The following CCDC63 variants were observed in gnomAD, a reference collection of about 807,000 sequenced individuals.
CCDC63 encodes the protein coiled-coil domain containing 63.
CCDC63 carries 54 observed loss-of-function variants against 63.6 expected under a neutral mutation model. That is an observed-to-expected ratio of 0.85 (90% CI 0.68 to 1.07). The LOEUF (loss-of-function observed/expected upper bound fraction) is 1.07. CCDC63 is among the 50% of genes least tolerant of loss of function. CCDC63 has a pLI of 0.00. For synonymous variants in CCDC63, 253 were observed against 266.1 expected, an observed-to-expected ratio of 0.95 and a Z score of 0.48; for missense variants, 637 against 689.6, an observed-to-expected ratio of 0.92 and a Z score of 0.86.
chr12:110,878,607 G>A (rs1254432512), intron 5 of CCDC63, among the ~76,000 whole-genome samples: 1 of 152,200 alleles, frequency 6.6e-6, no homozygotes, highest in Non-Finnish European at 1.5e-5. Context: ...GAGCCACTGT[G>A]CCCAGCCCCC....
intron 5 of CCDC63, among the ~76,000 whole-genome samples, chr12:110,878,810 C>T (rs1466214402): frequency 6.6e-6 from 1 of 152,142 alleles, no homozygotes; most frequent in Non-Finnish European, 1.5e-5. Context: ...CTTTAGAAAC[C>T]TTCATCCTTT....
chr12:110,859,586 G>C (rs539001588), intron 4 of CCDC63, among the ~76,000 whole-genome samples: 1 of 151,978 alleles, frequency 6.6e-6, no homozygotes, highest in Non-Finnish European at 1.5e-5. Context: ...GATTACGGGC[G>C]TGAGCCACCG....
intron 3 of CCDC63, among the ~76,000 whole-genome samples, chr12:110,856,669 A>ATAGG (rs1555252118): frequency 6.6e-6 from 1 of 151,598 alleles, no homozygotes; most frequent in African/African-American, 2.4e-5. Flanking sequence ...GGCCCCTCAG[A>ATAGG]GAACATTTTC....
At chr12:110,890,437 T>G (rs1197691790) in intron 8 of CCDC63, among the ~76,000 whole-genome samples, 1 of 152,212 alleles carries the variant, frequency 6.6e-6, no homozygotes, top group African/African-American at 2.4e-5. Flanking sequence ...TGATTTGGGT[T>G]TGTATTTGTT....
intron 4 of CCDC63, among the ~76,000 whole-genome samples, chr12:110,862,649 A>T (rs1404360183): frequency 1.3e-5 from 2 of 152,230 alleles, no homozygotes; most frequent in Admixed American, 6.5e-5. Context: ...CTGCAGGCCC[A>T]ACTCTAGTGG....
rs2136717034 is a variant in CCDC63, at chr12:110,889,822, C to T, written c.1075-3254C>T. Among the ~76,000 whole-genome samples the T allele has an allele frequency of 6.6e-6, 1 of 152,244 alleles. No individual in the cohort carries two copies. Among genetic ancestry groups the T allele is most frequent in the South Asian group, 2.1e-4 (1 of 4,812 alleles). The stretch of plus-strand genomic sequence containing the variant: ...ATCTTTTTGGTAGAGATCCCCCACC[C>T]CACCCCTGCCCTGTAAAGATCGGAA... On this transcript the variant is annotated intron_variant, in intron 8 of 11. Coordinates refer to ENST00000308208, the MANE Select transcript of CCDC63 (RefSeq NM_152591.3). The surrounding 1 kb of genome is among the most constrained non-coding windows in gnomAD (Gnocchi z 4.1).
chr12:110,899,385 C>G (rs1052739541), intron 10 of CCDC63, among the ~76,000 whole-genome samples: 4 of 152,162 alleles, frequency 2.6e-5, no homozygotes, highest in Non-Finnish European at 5.9e-5. Flanking sequence ...GTGGCCCAAT[C>G]ATGGCTCACT....
At chr12:110,846,068 C>CT (rs1197666340), upstream of CCDC63, 1 of 151,772 alleles carries the variant, frequency 6.6e-6, no homozygotes, top group Non-Finnish European at 1.5e-5. Context: ...TCCCAAAGTG[C>CT]TAGGATTATA....
intron 9 of CCDC63, among the ~76,000 whole-genome samples, chr12:110,896,913 C>A (rs939503654): frequency 6.6e-6 from 1 of 152,174 alleles, no homozygotes; most frequent in Non-Finnish European, 1.5e-5. Context: ...ACCCCCAGGG[C>A]CTTTGACTGA....
chr12:110,899,210 G>A (rs2071454192), intron 10 of CCDC63, 85 bp downstream of exon 10: 3 of 1,264,350 alleles, frequency 2.4e-6, no homozygotes, highest in African/African-American at 3.0e-5. Flanking sequence ...CTCTTATGGA[G>A]TAGTGAGCTT....
chr12:110,884,258 C>A lies in CCDC63; in HGVS notation c.1074+8C>A, dbSNP rs537850681. 6 of 1,611,386 alleles carry A rather than the reference C, an allele frequency of 3.7e-6. No homozygotes were observed. In the Admixed American group the frequency reaches 5.0e-5, roughly 13 times the overall value. On this transcript the variant is annotated splice_region_variant and intron_variant, in intron 8 of 11. Coordinates refer to ENST00000308208, the MANE Select transcript of CCDC63 (RefSeq NM_152591.3). Reference sequence around the variant, plus strand: ...AGGACCCAACGAATCCAGGTCAGGGCGGCTCTGCTTTCCCAGGCCCTGGGC... The same window carrying A: ...AGGACCCAACGAATCCAGGTCAGGGAGGCTCTGCTTTCCCAGGCCCTGGGC...
chr12:110,885,080 T>A (rs1194956443), intron 8 of CCDC63, among the ~76,000 whole-genome samples: 1 of 152,022 alleles, frequency 6.6e-6, no homozygotes, highest in African/African-American at 2.4e-5. Flanking sequence ...ATCCATGGCA[T>A]GTTTTATTAA....
chr12:110,864,394 A>C (rs1455650935), intron 4 of CCDC63, among the ~76,000 whole-genome samples: 2 of 151,118 alleles, frequency 1.3e-5, no homozygotes, highest in Non-Finnish European at 2.9e-5. Context: ...GTTTGAGACC[A>C]GCCTGGGCAA....
At position 110,868,417 on chromosome 12, in the gene CCDC63, G is replaced by A. The variant is rs1346932764; in HGVS notation, c.370-5425G>A. ...GTAGGTTGTAGCGAGCCGAGATCACGCCACTGCACTCCAGTCTGGGCACCA... is the reference window on the plus strand; with the variant it reads ...GTAGGTTGTAGCGAGCCGAGATCACACCACTGCACTCCAGTCTGGGCACCA... On this transcript the variant is annotated intron_variant, in intron 4 of 11. Coordinates refer to ENST00000308208, the MANE Select transcript of CCDC63 (RefSeq NM_152591.3). 3.3e-5 allele frequency among the ~76,000 whole-genome samples: 5 copies of A among 150,578 alleles called. No individual in the cohort carries two copies. The South Asian group carries it at 6.3e-4, about 19-fold the overall frequency.
Position 110,889,086 on chromosome 12 carries a change from G to A in CCDC63, c.1075-3990G>A, listed in dbSNP as rs575697958. 3.2e-4 allele frequency among the ~76,000 whole-genome samples: 49 copies of A among 152,098 alleles called. 1 individual carries two copies. Among genetic ancestry groups the A allele is most frequent in the African/African-American group, 1.1e-3 (47 of 41,494 alleles). Reference sequence around the variant, plus strand: ...GAGGTTTCAGTGTGTTGCCCAGGCTGGTGTCAATGGTTGTGCTTTTCAAAT... The same window carrying A: ...GAGGTTTCAGTGTGTTGCCCAGGCTAGTGTCAATGGTTGTGCTTTTCAAAT... On this transcript the variant is annotated intron_variant, in intron 8 of 11. Transcript: ENST00000308208. The surrounding 1 kb of genome is among the most constrained non-coding windows in gnomAD (Gnocchi z 4.1).
At chr12:110,903,278 C>T (rs1229503975) in intron 10 of CCDC63, among the ~76,000 whole-genome samples, 1 of 152,194 alleles carries the variant, frequency 6.6e-6, no homozygotes, top group Non-Finnish European at 1.5e-5. Context: ...GCTGGGATTA[C>T]AGGCAGGAGC....
chr12:110,885,281 C>T (rs571282363), intron 8 of CCDC63, among the ~76,000 whole-genome samples: 3 of 152,038 alleles, frequency 2.0e-5, no homozygotes, highest in Non-Finnish European at 2.9e-5. Context: ...TCAACAGTTT[C>T]GAGGAGTGAG....
chr12:110,860,125 A>G (rs960112715), intron 4 of CCDC63, among the ~76,000 whole-genome samples: 16 of 152,330 alleles, frequency 1.1e-4, no homozygotes, highest in African/African-American at 3.8e-4. Context: ...ACATTGAAAC[A>G]CTAGGGTTCG....
At chr12:110,868,479 C>T (rs1432083288) in intron 4 of CCDC63, among the ~76,000 whole-genome samples, 4 of 150,098 alleles carry the variant, frequency 2.7e-5, no homozygotes, top group African/African-American at 4.9e-5. Flanking sequence ...TCTGCAATCC[C>T]GGCACCTCGG....
Sources: gnomAD v4.1 joint callset for allele counts (sites outside exome capture counted in the v4.1 genomes callset) on GRCh38, gnomAD v4.1.1 for gene constraint, Gnocchi (gnomAD v3.1) non-coding constraint, MANE v1.5 for transcripts, NCBI Gene and HGNC (gene_info 2026-07-23, HGNC 2026-07-21) for gene names.